Variants in SGCZ observed in about 807,000 individuals in gnomAD.
The protein encoded by SGCZ is zeta-sarcoglycan.
SGCZ carries 40 observed loss-of-function variants against 41.3 expected under a neutral mutation model. The observed-to-expected ratio is 0.97, with a 90% confidence interval of 0.75 to 1.26. The LOEUF is 1.26. SGCZ is among the 50% of genes most tolerant of loss of function. The probability of loss-of-function intolerance (pLI) is 0.00; values close to 1 mark genes in which losing one functional copy is unlikely to be tolerated. For synonymous variants in SGCZ, 206 were observed against 137.5 expected (o/e 1.50, Z -3.49); for missense variants, 552 against 369.8 (o/e 1.49, Z -4.04).
At chr8:14,143,952 CA>C (rs1369874515) in intron 5 of SGCZ, among the ~76,000 whole-genome samples, 1 of 152,132 alleles carries the variant, frequency 6.6e-6, no homozygotes, top group Non-Finnish European at 1.5e-5. Context: ...ACATTTAAAC[CA>C]GCCCTAACAA....
intron 1 of SGCZ, among the ~76,000 whole-genome samples, chr8:14,758,866 G>A (rs1402719409): frequency 2.0e-5 from 3 of 151,880 alleles, no homozygotes; most frequent in East Asian, 1.9e-4. Flanking sequence ...AAATTAACTG[G>A]GTGTAGCATT....
chr8:14,625,126 A>G (rs117658421), intron 1 of SGCZ, among the ~76,000 whole-genome samples: 2,890 of 152,288 alleles, frequency 0.019, 55 homozygotes, highest in African/African-American at 0.046. Flanking sequence ...TGTGGTTGCA[A>G]TATAATACAT....
chr8:14,735,895 G>C (rs923031380), intron 1 of SGCZ, among the ~76,000 whole-genome samples: 1 of 152,100 alleles, frequency 6.6e-6, no homozygotes, highest in Non-Finnish European at 1.5e-5. Context: ...GGCACCAAGA[G>C]CGAGTAAAGC....
rs1448254380 is a variant in SGCZ at position 15,217,592 on chromosome 8, T to C, written c.39+19993A>G. ...GATTCTTGCCCCCCCTTGTCCCAATTTGCATACTTAAAAACGTGGAAGGGA... is the reference window on the plus strand; with the variant it reads ...GATTCTTGCCCCCCCTTGTCCCAATCTGCATACTTAAAAACGTGGAAGGGA... On this transcript the variant is annotated intron_variant, in intron 1 of 7. Coordinates refer to ENST00000382080, the MANE Select transcript of SGCZ (RefSeq NM_139167.4). 3.9e-5 allele frequency among the ~76,000 whole-genome samples: 6 copies of C among 152,212 alleles called. No individual in the cohort carries two copies. The East Asian group carries it at 1.2e-3, about 29-fold the overall frequency.
At chr8:14,240,160 C>G (rs1798818648) in intron 3 of SGCZ, among the ~76,000 whole-genome samples, 1 of 151,220 alleles carries the variant, frequency 6.6e-6, no homozygotes, top group African/African-American at 2.4e-5. Context: ...AACCCCATCT[C>G]TACTAAAAAT....
chr8:15,081,462 G>A (rs1451144249), intron 1 of SGCZ, among the ~76,000 whole-genome samples: 1 of 148,566 alleles, frequency 6.7e-6, no homozygotes, highest in Admixed American at 6.7e-5. Flanking sequence ...TAGTGGAGAT[G>A]CACATTTTTG....
At position 14,645,478 on chromosome 8, in the gene SGCZ, T is replaced by TTATATATATATATATATATATA. The variant is rs1046258520; in HGVS notation, c.40-90553_40-90552insTATATATATATATATATATATA. Among the ~76,000 whole-genome samples the TTATATATATATATATATATATA allele has an allele frequency of 2.2e-3, 234 of 106,500 alleles. 7 individuals carry two copies. In the East Asian group the frequency reaches 0.026, roughly 12 times the overall value. 69.9% of individuals were successfully genotyped at this position (106,500 alleles called of 152,430 possible). A position where few individuals can be genotyped will look rare whatever the true frequency, so the allele number is the denominator to read the frequency against. On this transcript the variant is annotated intron_variant, in intron 1 of 7. Transcript: ENST00000382080. ...AGTATCATTGATTATATATATATAT[T>TTATATATATATATATATATATA]TATATGTATATATATATATATATGG...
chr8:15,092,893 T>C (rs1253382747), intron 1 of SGCZ, among the ~76,000 whole-genome samples: 1 of 152,204 alleles, frequency 6.6e-6, no homozygotes, highest in Non-Finnish European at 1.5e-5. Context: ...CTAATACTAC[T>C]AACAGGAAAA....
intron 1 of SGCZ, among the ~76,000 whole-genome samples, chr8:14,845,950 G>A (rs1485442031): frequency 6.6e-6 from 1 of 152,148 alleles, no homozygotes; most frequent in Non-Finnish European, 1.5e-5. Context: ...GGATAAAAAT[G>A]CATTTCTTGA....
chr8:14,942,124 C>T (rs780901986), intron 1 of SGCZ, among the ~76,000 whole-genome samples: 1 of 151,948 alleles, frequency 6.6e-6, no homozygotes, highest in Non-Finnish European at 1.5e-5. Context: ...ACCTCTTAGA[C>T]TAGTATGCAT....
chr8:14,674,221 C>T (rs960107503), intron 1 of SGCZ, among the ~76,000 whole-genome samples: 2 of 151,184 alleles, frequency 1.3e-5, no homozygotes, highest in South Asian at 2.1e-4. Flanking sequence ...TTTTTCTAAA[C>T]GTGAAATCAT....
chr8:14,986,188 T>C (rs1382696481), intron 1 of SGCZ, among the ~76,000 whole-genome samples: 1 of 152,100 alleles, frequency 6.6e-6, no homozygotes, highest in African/African-American at 2.4e-5. Flanking sequence ...TTAAGTTTCA[T>C]ATGCATTACA....
intron 1 of SGCZ, among the ~76,000 whole-genome samples, chr8:15,184,558 G>C (rs945094390): frequency 6.6e-6 from 1 of 151,690 alleles, no homozygotes; most frequent in Non-Finnish European, 1.5e-5. Context: ...TGGTCCCGAA[G>C]GATTTCATCA....
chr8:15,015,853 G>C (rs1016384598), intron 1 of SGCZ, among the ~76,000 whole-genome samples: 1 of 150,056 alleles, frequency 6.7e-6, no homozygotes, highest in Admixed American at 6.7e-5. Context: ...ATTCTTACTT[G>C]CAACTTATTG....
At chr8:15,003,829 C>T (rs1802508569) in intron 1 of SGCZ, among the ~76,000 whole-genome samples, 2 of 152,042 alleles carry the variant, frequency 1.3e-5, no homozygotes, top group Non-Finnish European at 2.9e-5. Context: ...ATCCCTATCT[C>T]GTAAGTGTTG....
intron 1 of SGCZ, among the ~76,000 whole-genome samples, chr8:15,010,211 A>G (rs1802777627): frequency 6.6e-6 from 1 of 152,258 alleles, no homozygotes. Context: ...ATATAAAAAT[A>G]GAAGAATGCT....
chr8:14,132,518 T>C (rs963395190), intron 5 of SGCZ, among the ~76,000 whole-genome samples: 6 of 152,214 alleles, frequency 3.9e-5, no homozygotes, highest in Non-Finnish European at 1.5e-5. Context: ...TACGTTCTGT[T>C]TGTTTTATAC....
intron 1 of SGCZ, among the ~76,000 whole-genome samples, chr8:15,110,471 A>T (rs1202892616): frequency 6.6e-6 from 1 of 152,246 alleles, no homozygotes; most frequent in East Asian, 1.9e-4. Flanking sequence ...CTAGCAAGAT[A>T]GCCAGAGAGC....
At chr8:14,975,895 CAT>C (rs1192617847) in intron 1 of SGCZ, among the ~76,000 whole-genome samples, 6 of 118,842 alleles carry the variant, frequency 5.0e-5, no homozygotes, top group East Asian at 2.3e-4. Flanking sequence ...CACACACACA[CAT>C]ATATATACAC....
Sources: allele counts gnomAD v4.1 joint callset (sites outside exome capture counted in the v4.1 genomes callset), GRCh38; gene constraint gnomAD v4.1.1; transcripts MANE v1.5; gene names NCBI Gene and HGNC (gene_info 2026-07-23, HGNC 2026-07-21).